Variants in NNT observed in about 807,000 individuals in gnomAD.
NNT encodes nicotinamide nucleotide transhydrogenase.
In NNT, 50 loss-of-function variants were observed where a neutral mutation model predicts 104.8. The ratio of observed to expected loss-of-function variants is 0.48; its 90% CI spans 0.38 to 0.60. NNT has a LOEUF of 0.60. Among genes scored for constraint, NNT ranks in the 20% least tolerant of loss-of-function variants. The probability of loss-of-function intolerance (pLI) is 0.00; values close to 1 mark genes in which losing one functional copy is unlikely to be tolerated. For synonymous variants in NNT, 461 were observed against 490.4 expected, an observed-to-expected ratio of 0.94 and a Z score of 0.79; for missense variants, 1,131 against 1,330.7, an observed-to-expected ratio of 0.85 and a Z score of 2.33.
In NNT at chr5:43,644,306, G is replaced by C; in HGVS notation, c.1079G>C (p.Gly360Ala). The C allele has an allele frequency of 6.2e-7, 1 of 1,613,796 alleles. No individual in the cohort carries two copies. ...AGGNFETTKP[G>A]ELYIHKGITH... is the part of the protein sequence containing the mutation. Reference sequence around the variant, plus strand: ...GGAAACTTTGAAACCACTAAGCCAGGAGAACTCTACATTCATAAGGTATAG... The same window carrying C: ...GGAAACTTTGAAACCACTAAGCCAGCAGAACTCTACATTCATAAGGTATAG... The change falls in exon 8 of 22, where the codon GGA becomes GCA. Residue 360 changes from glycine (G) to alanine (A), a missense_variant. Gly to Ala is a moderately conservative substitution (Grantham distance 60). Transcript: ENST00000344920.
upstream of NNT, chr5:43,602,776 A>T (rs1395830065): frequency 1.3e-5 from 2 of 152,202 alleles, no homozygotes; most frequent in African/African-American, 2.4e-5. Flanking sequence ...GAGTTATATT[A>T]CCTGTTTCTT....
At chr5:43,676,516 G>T (rs914250471) in intron 18 of NNT, among the ~76,000 whole-genome samples, 1 of 152,150 alleles carries the variant, frequency 6.6e-6, no homozygotes, top group African/African-American at 2.4e-5. Flanking sequence ...GGTGGATTTG[G>T]GTTTTTGGTT....
intron 11 of NNT, among the ~76,000 whole-genome samples, chr5:43,649,716 C>T (rs912136391): frequency 1.3e-5 from 2 of 152,104 alleles, no homozygotes; most frequent in African/African-American, 4.8e-5. Flanking sequence ...ACAATAGGCC[C>T]CATGTGGCAT....
chr5:43,609,126 A>G lies in NNT; in HGVS notation c.-53-17A>G, dbSNP rs986605253. 5 of 1,291,166 alleles carry G rather than the reference A, an allele frequency of 3.9e-6. No homozygotes were observed. The Admixed American group carries it at 6.2e-5, about 16-fold the overall frequency. 80.0% of individuals were successfully genotyped at this position (1,291,166 alleles called of 1,614,324 possible). On this transcript the variant is annotated splice_polypyrimidine_tract_variant and intron_variant, in intron 1 of 21. Coordinates refer to ENST00000344920, the MANE Select transcript of NNT (RefSeq NM_182977.3). ...TTTTTTCTTGGCATATATACATCCT[A>G]TTTTCTTTTTTCTTAGTGATTTGCC... is the stretch of plus-strand genomic sequence containing the variant.
intron 19 of NNT, among the ~76,000 whole-genome samples, chr5:43,684,374 A>C (rs1161328728): frequency 6.6e-6 from 1 of 152,140 alleles, no homozygotes; most frequent in Non-Finnish European, 1.5e-5. Flanking sequence ...TTAAATGAAC[A>C]CTTTTTTTTC....
intron 7 of NNT, among the ~76,000 whole-genome samples, chr5:43,629,426 C>CAA (rs1750557898): frequency 6.6e-6 from 1 of 152,132 alleles, no homozygotes; most frequent in Non-Finnish European, 1.5e-5. Flanking sequence ...GTGAATTGTG[C>CAA]TGCTATAAAC....
At chr5:43,661,813 G>T (rs562022908) in intron 17 of NNT, among the ~76,000 whole-genome samples, 5,082 of 151,840 alleles carry the variant, frequency 0.033, 131 homozygotes, top group Non-Finnish European at 0.053. Flanking sequence ...TCTATCATTG[G>T]TGGACATTTG....
chr5:43,694,223 A>AG (rs1742436976), intron 19 of NNT, among the ~76,000 whole-genome samples: 1 of 152,228 alleles, frequency 6.6e-6, no homozygotes, highest in South Asian at 2.1e-4. Flanking sequence ...TGTCATCTCC[A>AG]GACAGGGATG....
At chr5:43,619,412 TA>T (rs749218789) in intron 5 of NNT, among the ~76,000 whole-genome samples, 1 of 152,078 alleles carries the variant, frequency 6.6e-6, no homozygotes, top group Non-Finnish European at 1.5e-5. Flanking sequence ...TATTAATTTT[TA>T]AAAAAAACTT....
At chr5:43,656,906 A>G (rs1740084963) in intron 16 of NNT, 93 bp downstream of exon 16, 4 of 1,199,822 alleles carry the variant, frequency 3.3e-6, no homozygotes, top group Non-Finnish European at 3.5e-6. Context: ...TCTCTTCAAG[A>G]ACCTTGATGG....
chr5:43,676,030 G>A (rs940806627), intron 18 of NNT, among the ~76,000 whole-genome samples: 26 of 152,254 alleles, frequency 1.7e-4, no homozygotes, highest in African/African-American at 5.5e-4. Context: ...TCACTCATTA[G>A]AGTTGCTTAA....
At chr5:43,639,935 C>T (rs936205004) in intron 7 of NNT, among the ~76,000 whole-genome samples, 4 of 150,556 alleles carry the variant, frequency 2.7e-5, no homozygotes, top group Admixed American at 6.6e-5. Context: ...TTTTTTTAAG[C>T]GGGCTGGTTT....
chr5:43,696,825 G>A (rs1742581657), intron 19 of NNT, among the ~76,000 whole-genome samples: 1 of 152,184 alleles, frequency 6.6e-6, no homozygotes. Context: ...GCCCCTTTTA[G>A]TCATGGCTGG....
intron 7 of NNT, among the ~76,000 whole-genome samples, chr5:43,639,658 A>C (rs1751115434): frequency 6.6e-6 from 1 of 152,092 alleles, no homozygotes; most frequent in Non-Finnish European, 1.5e-5. Flanking sequence ...TAATTATGTC[A>C]ATGAATGAAT....
intron 19 of NNT, among the ~76,000 whole-genome samples, chr5:43,693,814 T>C (rs1420624484): frequency 1.3e-5 from 2 of 152,226 alleles, no homozygotes; most frequent in African/African-American, 4.8e-5. Flanking sequence ...TGAGGTTGGA[T>C]GACCACCTAA....
At position 43,608,276 on chromosome 5, in the gene NNT, G is replaced by A. The variant is rs148352525; in HGVS notation, c.-53-867G>A. Among the ~76,000 whole-genome samples the A allele has an allele frequency of 4.6e-3, 694 of 152,306 alleles. 5 individuals carry two copies. The highest frequency in any genetic ancestry group is 0.015 in the African/African-American group (643 of 41,546). ...AAGAGAAAGGTATGGAGGATCATTG[G>A]GAATTATGGGGACAGTGGGAGTGCC... On this transcript the variant is annotated intron_variant, in intron 1 of 21. Transcript: ENST00000344920.
At chr5:43,613,648 A>G (rs1749622728) in intron 3 of NNT, 1 of 152,710 alleles carries the variant, frequency 6.5e-6, no homozygotes, top group South Asian at 2.1e-4. Flanking sequence ...ATAAGTTCTT[A>G]AGGTAATATA....
chr5:43,632,751 G>C (rs529954608), intron 7 of NNT, among the ~76,000 whole-genome samples: 11 of 152,302 alleles, frequency 7.2e-5, no homozygotes, highest in African/African-American at 2.6e-4. Context: ...CAGCCCTGCT[G>C]TCTGGTAATG....
At chr5:43,660,482 A>T (rs1029771207) in intron 17 of NNT, among the ~76,000 whole-genome samples, 1 of 152,180 alleles carries the variant, frequency 6.6e-6, no homozygotes, top group African/African-American at 2.4e-5. Flanking sequence ...AATGAAACTA[A>T]ATGAAAGCAG....
Sources: gnomAD v4.1 joint callset for allele counts (sites outside exome capture counted in the v4.1 genomes callset) on GRCh38, gnomAD v4.1.1 for gene constraint, MANE v1.5 for transcripts, NCBI Gene and HGNC (gene_info 2026-07-23, HGNC 2026-07-21) for gene names.